Variants in CAND2 observed in about 807,000 individuals in gnomAD.
CAND2 encodes cullin-associated NEDD8-dissociated protein 2.
In CAND2, 62 loss-of-function variants were observed where a neutral mutation model predicts 98.9. The observed-to-expected ratio is 0.63, with a 90% CI of 0.51 to 0.77. The LOEUF (loss-of-function observed/expected upper bound fraction) is 0.77, where lower values mean the gene tolerates loss of function less well. Ranked by LOEUF, CAND2 falls within the 30% of genes least tolerant of loss-of-function variation. The pLI, the probability that CAND2 is intolerant of heterozygous loss-of-function variation, is 0.00. For synonymous variants in CAND2, 770 were observed against 731.9 expected, an observed-to-expected ratio of 1.05 and a Z score of -0.84; for missense variants, 1,501 against 1,655.2, an observed-to-expected ratio of 0.91 and a Z score of 1.62.
In CAND2 at chr3:12,817,911, C is replaced by T. The variant is rs200476192; in HGVS notation, c.2944+35C>T. On this transcript the variant is annotated intron_variant, in intron 10 of 14. Transcript: ENST00000456430. Reference sequence around the variant, plus strand: ...CAGGTGTGGGCAAGGCAGCCCACCTCGGAGGTGGGCAGTTTGCCACTGAGC... The same window carrying T: ...CAGGTGTGGGCAAGGCAGCCCACCTTGGAGGTGGGCAGTTTGCCACTGAGC... 92 of 1,471,076 alleles carry T rather than the reference C, an allele frequency of 6.3e-5. No homozygotes were observed. The Middle Eastern group carries it at 7.3e-4, about 12-fold the overall frequency. The allele number at this position is 1,471,076 out of a possible 1,614,324, so 91.1% of individuals were successfully genotyped here.
rs751718834 is a variant in CAND2, at chr3:12,820,092, C to A, written c.2951C>A (p.Pro984Gln). ...ACCTCTTCTTGTCCTGCAGGTCGGC[C>A]ACACACCCGGAGCACCGTCATCACA... is the stretch of plus-strand genomic sequence containing the variant. ...RLRKQLAAGR[P>Q]HTRSTVITAV... Residue 984 changes from proline (P) to glutamine (Q), a missense_variant, in exon 11 of 15, where the codon CCA (proline) becomes CAA (glutamine). Physicochemically the swap from Pro to Gln is moderately conservative, Grantham distance 76. Transcript: ENST00000456430. 56 of 1,613,924 alleles carry A rather than the reference C, an allele frequency of 3.5e-5. No homozygotes were observed. Among genetic ancestry groups the A allele is most frequent in the Non-Finnish European group, 4.5e-5 (53 of 1,179,948 alleles).
chr3:12,829,191 G>A (rs993979866), intron 13 of CAND2, among the ~76,000 whole-genome samples: 11 of 152,168 alleles, frequency 7.2e-5, no homozygotes, highest in African/African-American at 2.7e-4. Context: ...TATGGCCCAG[G>A]CTGGAGTGCA....
chr3:12,811,595 G>A (rs1487810125), intron 5 of CAND2, among the ~76,000 whole-genome samples: 2 of 152,072 alleles, frequency 1.3e-5, no homozygotes, highest in Non-Finnish European at 2.9e-5. Context: ...TTTTTGAGAC[G>A]GAGTCTCGCT....
At chr3:12,828,908 G>A (rs1290224813) in intron 13 of CAND2, among the ~76,000 whole-genome samples, 2 of 152,188 alleles carry the variant, frequency 1.3e-5, no homozygotes, top group Non-Finnish European at 2.9e-5. Flanking sequence ...GAATTTCCCA[G>A]TGTTGTATGT....
chr3:12,804,165 G>C (rs762290346), intron 2 of CAND2, among the ~76,000 whole-genome samples: 1 of 152,044 alleles, frequency 6.6e-6, no homozygotes, highest in Non-Finnish European at 1.5e-5. Flanking sequence ...GGTGGTAAAG[G>C]CTTAAAGGCT....
In CAND2 at chr3:12,813,228, C is replaced by G; in HGVS notation, c.864-18C>G. On this transcript the variant is annotated intron_variant, in intron 6 of 14. Transcript: ENST00000456430. ...TCCTGGCTGGATCCAGCAAAGCATT[C>G]CTCATCCTGCCCCACAGGTGCCCCA... 1 of 1,611,516 alleles carries G rather than the reference C, an allele frequency of 6.2e-7. No individual in the cohort carries two copies. Among genetic ancestry groups the G allele is most frequent in the South Asian group, 1.1e-5 (1 of 90,704 alleles).
rs756415990 is a variant in CAND2 at position 12,816,483 on chromosome 3, A to G, written c.1551A>G (p.Pro517=). ...LGTEPAEAFH[P]HLPILLPPVM... ...CCGAACCAGCTGAGGCCTTCCACCC[A>G]CACTTGCCTATCCTCCTGCCACCTG... Residue 517 remains proline, a synonymous_variant, in exon 10 of 15, where the codon CCA becomes CCG. Coordinates refer to ENST00000456430, the MANE Select transcript of CAND2 (RefSeq NM_001162499.2). The G allele has an allele frequency of 3.1e-6, 5 of 1,613,848 alleles. No individual in the cohort carries two copies. In the South Asian group the frequency reaches 4.4e-5, roughly 14 times the overall value.
intron 2 of CAND2, 40 bp downstream of exon 2, chr3:12,803,671 C>A (rs1410852109): frequency 6.5e-7 from 1 of 1,540,488 alleles, no homozygotes; most frequent in East Asian, 2.3e-5. Context: ...GGGGGCCCTA[C>A]CTTGTGTGGG....
At chr3:12,814,349 TG>T (rs1174533816) in intron 7 of CAND2, among the ~76,000 whole-genome samples, 1 of 152,206 alleles carries the variant, frequency 6.6e-6, no homozygotes, top group Non-Finnish European at 1.5e-5. Flanking sequence ...CTGGGCCTCG[TG>T]GACCTGAATC....
chr3:12,833,081 A>G (rs1262360566), intron 14 of CAND2, among the ~76,000 whole-genome samples: 2 of 152,188 alleles, frequency 1.3e-5, no homozygotes, highest in Non-Finnish European at 2.9e-5. Flanking sequence ...AGCCATTTGA[A>G]CACAGGACTC....
chr3:12,818,430 C>T (rs758840129), intron 10 of CAND2, among the ~76,000 whole-genome samples: 6 of 152,342 alleles, frequency 3.9e-5, no homozygotes, highest in South Asian at 2.1e-4. Context: ...CAAGAGCAGA[C>T]GTCAGTATAG....
intron 2 of CAND2, chr3:12,807,058 GT>G: frequency 2.4e-6 from 1 of 416,178 alleles, no homozygotes; most frequent in Non-Finnish European, 4.3e-6. Context: ...GAGAACCCTT[GT>G]TCTGGAGCAC....
intron 12 of CAND2, 21 bp from the exon 13 acceptor site, chr3:12,827,419 C>T: frequency 6.2e-7 from 1 of 1,606,386 alleles, no homozygotes; most frequent in South Asian, 1.1e-5. Flanking sequence ...GCCATATCAC[C>T]AACCTTCATC....
Position 12,833,912 on chromosome 3 carries a change from C to T in CAND2, c.3641C>T (p.Ala1214Val). 2 of 1,614,214 alleles carry T rather than the reference C, an allele frequency of 1.2e-6. No homozygotes were observed. Among genetic ancestry groups the T allele is most frequent in the East Asian group, 2.2e-5 (1 of 44,886 alleles). The stretch of plus-strand genomic sequence containing the variant: ...CAAATCAGATCCAACCCTGAACTTG[C>T]TGCCCTCTTTGAAAGCATCCAGAAG... ...SSQIRSNPEL[A>V]ALFESIQKDS... is the part of the protein sequence containing the mutation. Residue 1214 changes from alanine to valine, a missense_variant, in exon 15 of 15, where the codon GCT becomes GTT. Ala to Val is a moderately conservative substitution (Grantham distance 64). Coordinates refer to ENST00000456430, the MANE Select transcript of CAND2 (RefSeq NM_001162499.2).
At chr3:12,825,383 C>A in intron 11 of CAND2, 87 bp from the exon 12 acceptor site, 1 of 1,337,626 alleles carries the variant, frequency 7.5e-7, no homozygotes, top group Non-Finnish European at 1.0e-6. Flanking sequence ...TCTGCACGTG[C>A]ACAGTAACCA....
Position 12,834,317 on chromosome 3 carries a change from T to A in CAND2, c.*335T>A. The A allele has an allele frequency of 3.5e-6, 1 of 287,704 alleles. No homozygotes were observed. The allele number at this position is 287,704 out of a possible 1,614,324, so 17.8% of individuals were successfully genotyped here. On this transcript the variant is annotated 3_prime_UTR_variant, in exon 15 of 15. Transcript: ENST00000456430. ...AGGGTGTCTCTGCCTCACAAACTAG[T>A]AGTATTTAGAAATAGGCTGTGCTGT...
Position 12,823,795 on chromosome 3 carries a change from G to A in CAND2, c.3041-1675G>A, listed in dbSNP as rs2061978516. On this transcript the variant is annotated intron_variant, in intron 11 of 14. Coordinates refer to ENST00000456430, the MANE Select transcript of CAND2 (RefSeq NM_001162499.2). ...GCCTATAATCCCAGCTACCTGGGAG[G>A]CTGAGGCCTGAGAATCGCTTGAACC... Among the ~76,000 whole-genome samples the A allele has an allele frequency of 2.6e-5, 4 of 152,038 alleles. No homozygotes were observed. In the South Asian group the frequency reaches 8.3e-4, roughly 31 times the overall value.
intron 13 of CAND2, among the ~76,000 whole-genome samples, chr3:12,830,441 G>A (rs968523280): frequency 2.0e-5 from 3 of 152,206 alleles, no homozygotes; most frequent in African/African-American, 4.8e-5. Flanking sequence ...ACTGACCCCA[G>A]GACACAGAGT....
At chr3:12,831,066 C>CCTT (rs144339544) in intron 13 of CAND2, among the ~76,000 whole-genome samples, 10 of 151,222 alleles carry the variant, frequency 6.6e-5, no homozygotes, top group East Asian at 1.9e-4. Flanking sequence ...AAAATCGAGA[C>CCTT]TTTTTTTTTA....
Sources: gnomAD v4.1 joint callset for allele counts (sites outside exome capture counted in the v4.1 genomes callset) on GRCh38, gnomAD v4.1.1 for gene constraint, MANE v1.5 for transcripts, NCBI Gene and HGNC (gene_info 2026-07-23, HGNC 2026-07-21) for gene names.